Variants in BCCIP observed in about 807,000 individuals in gnomAD.
BCCIP encodes the protein BRCA2 and CDKN1A interacting protein, also known as BRCA2 and CDKN1A-interacting protein.
A neutral mutation model predicts 32.8 loss-of-function variants in BCCIP; 23 were observed. The observed-to-expected ratio is 0.70, with a 90% confidence interval of 0.51 to 0.99. BCCIP has a LOEUF of 0.99. BCCIP is among the 50% of genes least tolerant of loss of function. The pLI, the probability that BCCIP is intolerant of heterozygous loss-of-function variation, is 0.00. For missense variants in BCCIP, 378 were observed against 379.8 expected (o/e 1.00, Z 0.04); for synonymous variants, 144 against 137.6 (o/e 1.05, Z -0.33).
chr10:125,833,164 AG>A (rs1462762753), intron 5 of BCCIP, among the ~76,000 whole-genome samples: 1 of 151,314 alleles, frequency 6.6e-6, no homozygotes, highest in East Asian at 1.9e-4. Context: ...AAAGCTGAAG[AG>A]GACGGTTGTT....
At chr10:125,832,857 G>A (rs1200674353) in intron 5 of BCCIP, among the ~76,000 whole-genome samples, 7 of 138,954 alleles carry the variant, frequency 5.0e-5, no homozygotes, top group Non-Finnish European at 1.1e-4. Flanking sequence ...GCTGACACTT[G>A]TAATTCCAAC....
intron 5 of BCCIP, 177 bp downstream of exon 5, chr10:125,831,784 CT>C (rs1368805098): frequency 1.2e-5 from 6 of 481,866 alleles, no homozygotes; most frequent in African/African-American, 9.6e-5. Flanking sequence ...TAACAACTGG[CT>C]TTTTGAAGAG....
intron 2 of BCCIP, among the ~76,000 whole-genome samples, chr10:125,826,875 C>T (rs568226127): frequency 2.0e-5 from 3 of 151,992 alleles, no homozygotes; most frequent in Admixed American, 2.0e-4. Context: ...TAGCACACAC[C>T]GTTAGTCCTA....
Position 125,836,475 on chromosome 10 carries a change from T to G in BCCIP, c.*201T>G. 7.2e-7 allele frequency: 1 copy of G among 1,391,072 alleles called. No homozygotes were observed. Among genetic ancestry groups the G allele is most frequent in the African/African-American group, 1.5e-5 (1 of 68,856 alleles). 86.2% of individuals were successfully genotyped at this position (1,391,072 alleles called of 1,614,324 possible). A position where few individuals can be genotyped will look rare whatever the true frequency, so the allele number is the denominator to read the frequency against. On this transcript the variant is annotated 3_prime_UTR_variant, in exon 7 of 7. Transcript: ENST00000278100. ...AATTATGAGTGGTTGATTTAAAAAC[T>G]TTTCCAAGAAGAAGAAAAGCATGGA...
At chr10:125,837,391 T>C (rs1391387952), downstream of BCCIP, among the ~76,000 whole-genome samples, 3 of 152,220 alleles carry the variant, frequency 2.0e-5, no homozygotes, top group Non-Finnish European at 4.4e-5. Flanking sequence ...ACTCTTGCCA[T>C]TGCCCCTCCT....
At chr10:125,833,029 C>T (rs769057159) in intron 5 of BCCIP, among the ~76,000 whole-genome samples, 3 of 150,550 alleles carry the variant, frequency 2.0e-5, no homozygotes, top group Non-Finnish European at 4.4e-5. Flanking sequence ...GGCTTAGGCA[C>T]GAAAATCGTG....
Position 125,836,422 on chromosome 10 carries a change from A to G in BCCIP, c.*148A>G. On this transcript the variant is annotated 3_prime_UTR_variant, in exon 7 of 7. Transcript: ENST00000278100. Reference sequence around the variant, plus strand: ...CCCATGTGTCTCTGACACATTTACAAAATACCAGTTTTTTAAAATTTTGGT... The same window carrying G: ...CCCATGTGTCTCTGACACATTTACAGAATACCAGTTTTTTAAAATTTTGGT... 1 of 1,453,360 alleles carries G rather than the reference A, an allele frequency of 6.9e-7. No individual in the cohort carries two copies. Among genetic ancestry groups the G allele is most frequent in the Non-Finnish European group, 9.0e-7 (1 of 1,108,776 alleles). The allele number at this position is 1,453,360 out of a possible 1,614,324, so 90.0% of individuals were successfully genotyped here.
rs1354218320 is a variant in BCCIP, at chr10:125,826,612, G to T, written c.187G>T (p.Ala63Ser). 6.2e-7 allele frequency: 1 copy of T among 1,613,510 alleles called. No homozygotes were observed. The highest frequency in any genetic ancestry group is 8.5e-7 in the Non-Finnish European group (1 of 1,179,786). The change falls in exon 2 of 7, where the codon GCT (alanine) becomes TCT (serine). Residue 63 changes from alanine (A) to serine (S), a missense_variant. Ala to Ser is a moderately conservative substitution (Grantham distance 99). Transcript: ENST00000278100. Reference protein sequence around the residue: ...IDEEVNIEFEAYSLSDNDYDG... With the variant: ...IDEEVNIEFESYSLSDNDYDG... ...ACAGGAAGTGAATATTGAATTTGAAGCTTATTCCCTATCAGATAATGATTA... is the reference window on the plus strand; with the variant it reads ...ACAGGAAGTGAATATTGAATTTGAATCTTATTCCCTATCAGATAATGATTA...
At chr10:125,840,296 G>A (rs181080229), downstream of BCCIP, among the ~76,000 whole-genome samples, 219 of 152,294 alleles carry the variant, frequency 1.4e-3, no homozygotes, top group African/African-American at 5.1e-3. Context: ...AAAGGACTTT[G>A]TGGCTTTGCT....
intron 7 of BCCIP, among the ~76,000 whole-genome samples, chr10:125,849,136 G>T (rs983201391): frequency 2.0e-5 from 3 of 152,194 alleles, no homozygotes; most frequent in Non-Finnish European, 2.9e-5. Flanking sequence ...GACATGGTCA[G>T]TTTGTCTGAA....
chr10:125,852,210 A>G, intron 7 of BCCIP: 4 of 1,525,278 alleles, frequency 2.6e-6, no homozygotes, highest in Non-Finnish European at 3.5e-6. Context: ...ATTGCTGCGC[A>G]TCATGTGAAC....
chr10:125,836,331 TG>T lies in BCCIP; in HGVS notation c.*59del. 6.2e-7 allele frequency: 1 copy of T among 1,611,414 alleles called. No homozygotes were observed. Among genetic ancestry groups the T allele is most frequent in the South Asian group, 1.1e-5 (1 of 90,696 alleles). ...TTTGTAAAATTACCAGAAAACTCAG[TG>T]GAGATTTACTGAAAAACTCAGACTT... On this transcript the variant is annotated 3_prime_UTR_variant, in exon 7 of 7. Transcript: ENST00000278100.
rs143663821 is a variant in BCCIP at position 125,826,350 on chromosome 10, A to G, written c.166-241A>G. The G allele has an allele frequency of 5.7e-4, 305 of 531,056 alleles. 1 individual carries two copies. Among genetic ancestry groups the G allele is most frequent in the Middle Eastern group, 4.1e-3 (7 of 1,700 alleles). The allele number at this position is 531,056 out of a possible 1,614,324, so 32.9% of individuals were successfully genotyped here. A position where few individuals can be genotyped will look rare whatever the true frequency, so the allele number is the denominator to read the frequency against. On this transcript the variant is annotated intron_variant, in intron 1 of 6. Transcript: ENST00000278100. ...ATTTTGATTTTTGCCCACCCTTGTA[A>G]TCAGGAAAATAATTTATCCTTTGTG...
chr10:125,827,652 T>G lies in BCCIP; in HGVS notation c.321+14T>G. ...AGTGTGATTAAGGTAAGTAGGATAA[T>G]TGTGTTTATTCTGATTAAATGAGTT... On this transcript the variant is annotated intron_variant, in intron 3 of 6. Coordinates refer to ENST00000278100, the MANE Select transcript of BCCIP (RefSeq NM_078468.3). The G allele has an allele frequency of 1.3e-6, 2 of 1,555,726 alleles. No homozygotes were observed. Among genetic ancestry groups the G allele is most frequent in the Non-Finnish European group, 1.8e-6 (2 of 1,127,542 alleles).
At chr10:125,831,357 C>G (rs577038501) in intron 4 of BCCIP, 63 bp from the exon 5 acceptor site, 1 of 1,506,102 alleles carries the variant, frequency 6.6e-7, no homozygotes, top group Non-Finnish European at 9.0e-7. Context: ...AGCTTTTACT[C>G]TCAGGTTTTG....
chr10:125,850,097 C>G (rs1041352922), intron 7 of BCCIP, among the ~76,000 whole-genome samples: 1 of 149,716 alleles, frequency 6.7e-6, no homozygotes, highest in Non-Finnish European at 1.5e-5. Flanking sequence ...TCCCAAACAG[C>G]TAGTACTACA....
chr10:125,825,679 A>G (rs978190184), intron 1 of BCCIP: 1 of 152,232 alleles, frequency 6.6e-6, no homozygotes, highest in Admixed American at 6.5e-5. Flanking sequence ...TCTTCAGCTA[A>G]GACCTAAATT....
intron 6 of BCCIP, among the ~76,000 whole-genome samples, chr10:125,835,471 T>C (rs1393736083): frequency 1.3e-5 from 2 of 150,178 alleles, no homozygotes. Flanking sequence ...CCCAGCTACT[T>C]GGGAGGCTGA....
At chr10:125,845,809 C>A (rs1944009383), downstream of BCCIP, among the ~76,000 whole-genome samples, 1 of 152,256 alleles carries the variant, frequency 6.6e-6, no homozygotes. Context: ...ACTGCCCTCC[C>A]AGTGCCACCC....
Sources: allele counts gnomAD v4.1 joint callset (sites outside exome capture counted in the v4.1 genomes callset), GRCh38; gene constraint gnomAD v4.1.1; transcripts MANE v1.5; gene names NCBI Gene and HGNC (gene_info 2026-07-23, HGNC 2026-07-21).